The following KIF26B variants were observed in gnomAD, a reference collection of about 807,000 sequenced individuals.
KIF26B encodes kinesin family member 26B, also known as kinesin-like protein KIF26B.
In KIF26B, 63 loss-of-function variants were observed where a neutral mutation model predicts 151.2. The observed-to-expected ratio is 0.42, with a 90% CI of 0.34 to 0.51. KIF26B has a LOEUF of 0.51. KIF26B is among the 20% of genes least tolerant of loss of function. The probability of loss-of-function intolerance (pLI) is 0.07; values close to 1 mark genes in which losing one functional copy is unlikely to be tolerated. For missense variants in KIF26B, 2,813 were observed against 2,913.6 expected (o/e 0.97, Z 0.79); for synonymous variants, 1,357 against 1,262.1 (o/e 1.08, Z -1.59).
chr1:245,158,786 G>GTGGGGCCTCAATTT (rs1360331067), intron 2 of KIF26B, among the ~76,000 whole-genome samples: 5 of 152,176 alleles, frequency 3.3e-5, no homozygotes, highest in African/African-American at 1.2e-4. Flanking sequence ...GTAATGAGAT[G>GTGGGGCCTCAATTT]TGGGGCCTCA....
chr1:245,330,655 G>A (rs1233885997), intron 2 of KIF26B, among the ~76,000 whole-genome samples: 3 of 22,232 alleles, frequency 1.3e-4, no homozygotes, highest in African/African-American at 6.8e-4. Flanking sequence ...AGGGAGTAGG[G>A]GGGTAATAGG....
intron 2 of KIF26B, among the ~76,000 whole-genome samples, chr1:245,185,451 G>A (rs1374301390): frequency 6.6e-6 from 1 of 152,188 alleles, no homozygotes; most frequent in Non-Finnish European, 1.5e-5. Context: ...AGGGGGGTCT[G>A]GATAAAATCG....
Position 245,597,203 on chromosome 1 carries a change from G to A in KIF26B, c.1351-5374G>A, listed in dbSNP as rs938633394. 1.3e-5 allele frequency among the ~76,000 whole-genome samples: 2 copies of A among 152,148 alleles called. No individual in the cohort carries two copies. The highest frequency in any genetic ancestry group is 2.9e-5 in the Non-Finnish European group (2 of 68,042). On this transcript the variant is annotated intron_variant, in intron 5 of 14. Transcript: ENST00000407071. This position sits in a 1 kb window ranked among gnomAD's most constrained non-coding sequence, Gnocchi z 4.6. Reference sequence around the variant, plus strand: ...TAGCTGGTTATTTTTCCCATTAGTCGATGCAGTTTTTTCATAGCATGAATG... The same window carrying A: ...TAGCTGGTTATTTTTCCCATTAGTCAATGCAGTTTTTTCATAGCATGAATG...
Position 245,667,621 on chromosome 1 carries a change from C to T in KIF26B, c.2259-16612C>T, listed in dbSNP as rs1021149946. 1.1e-4 allele frequency among the ~76,000 whole-genome samples: 17 copies of T among 152,090 alleles called. No individual in the cohort carries two copies. Among genetic ancestry groups the T allele is most frequent in the African/African-American group, 3.6e-4 (15 of 41,400 alleles). On this transcript the variant is annotated intron_variant, in intron 10 of 14. Transcript: ENST00000407071. This position sits in a 1 kb window ranked among gnomAD's most constrained non-coding sequence, Gnocchi z 4.3. Reference sequence around the variant, plus strand: ...ACTTATTTAAATACTTATAGAAAGACGACTTTATGCCGGACACTGTGTTAG... The same window carrying T: ...ACTTATTTAAATACTTATAGAAAGATGACTTTATGCCGGACACTGTGTTAG...
rs576441240 is a variant in KIF26B at position 245,303,261 on chromosome 1, C to G, written c.466-63573C>G. Among the ~76,000 whole-genome samples the G allele has an allele frequency of 7.6e-5, 11 of 144,092 alleles. No individual in the cohort carries two copies. The South Asian group carries it at 8.8e-4, about 12-fold the overall frequency. 94.5% of individuals were successfully genotyped at this position (144,092 alleles called of 152,430 possible). On this transcript the variant is annotated intron_variant, in intron 2 of 14. Transcript: ENST00000407071. ...TCGCCCAGGCCGGAGTGCAGTGGCGCGATCTCGGCTCACTGCAAGCTCCGC... is the reference window on the plus strand; with the variant it reads ...TCGCCCAGGCCGGAGTGCAGTGGCGGGATCTCGGCTCACTGCAAGCTCCGC...
Position 245,395,945 on chromosome 1 carries a change from A to T in KIF26B, c.1000-23634A>T, listed in dbSNP as rs78065403. Among the ~76,000 whole-genome samples the T allele has an allele frequency of 3.9e-3, 601 of 152,214 alleles. 4 individuals are homozygous for T. The highest frequency in any genetic ancestry group is 0.014 in the African/African-American group (563 of 41,538). Reference sequence around the variant, plus strand: ...TCTTAATCTGTAGAACAGGGGGGGAAATTTCTTCCTAGCGATGGTGTTGTA... The same window carrying T: ...TCTTAATCTGTAGAACAGGGGGGGATATTTCTTCCTAGCGATGGTGTTGTA... On this transcript the variant is annotated intron_variant, in intron 3 of 14. Coordinates refer to ENST00000407071, the MANE Select transcript of KIF26B (RefSeq NM_018012.4).
chr1:245,409,256 G>A (rs1572047838), intron 3 of KIF26B, among the ~76,000 whole-genome samples: 2 of 152,222 alleles, frequency 1.3e-5, no homozygotes, highest in East Asian at 3.9e-4. Flanking sequence ...AGCCACACAT[G>A]TTGGAACTAA....
chr1:245,215,407 C>A (rs566370406), intron 2 of KIF26B, among the ~76,000 whole-genome samples: 2 of 152,050 alleles, frequency 1.3e-5, no homozygotes, highest in African/African-American at 4.8e-5. Flanking sequence ...CTGCCTGATG[C>A]GTGAACAGGC....
chr1:245,330,956 C>T (rs1425777689), intron 2 of KIF26B, among the ~76,000 whole-genome samples: 1 of 151,882 alleles, frequency 6.6e-6, no homozygotes, highest in Non-Finnish European at 1.5e-5. Flanking sequence ...AGAGAGCCCA[C>T]GTAGTAAGTA....
chr1:245,156,913 G>A (rs1194182911), intron 2 of KIF26B, among the ~76,000 whole-genome samples: 1 of 152,216 alleles, frequency 6.6e-6, no homozygotes, highest in East Asian at 1.9e-4. Flanking sequence ...GAGCGCGAAG[G>A]GGCGCCCGTG....
intron 4 of KIF26B, among the ~76,000 whole-genome samples, chr1:245,489,960 G>A (rs1660367893): frequency 6.6e-6 from 1 of 152,162 alleles, no homozygotes; most frequent in Non-Finnish European, 1.5e-5. Context: ...GTTCTGGGCA[G>A]GTAAGGAACA....
In KIF26B at chr1:245,602,153, G is replaced by A. The variant is rs2043403802; in HGVS notation, c.1351-424G>A. Among the ~76,000 whole-genome samples the A allele has an allele frequency of 6.6e-6, 1 of 152,150 alleles. No homozygotes were observed. The highest frequency in any genetic ancestry group is 2.4e-5 in the African/African-American group (1 of 41,410). ...TTGTCTCCCAGAGTCCTGATGAGCT[G>A]AGCCAAGGAGTAAATTACGGAGCTA... On this transcript the variant is annotated intron_variant, in intron 5 of 14. Coordinates refer to ENST00000407071, the MANE Select transcript of KIF26B (RefSeq NM_018012.4). The surrounding 1 kb of genome is among the most constrained non-coding windows in gnomAD (Gnocchi z 4.5).
intron 2 of KIF26B, among the ~76,000 whole-genome samples, chr1:245,247,334 TA>T (rs1670353839): frequency 6.6e-6 from 1 of 150,710 alleles, no homozygotes; most frequent in African/African-American, 2.4e-5. Context: ...GGTGCTCACC[TA>T]TAATCCCAGC....
At chr1:245,425,902 C>A (rs758875901) in intron 4 of KIF26B, among the ~76,000 whole-genome samples, 6 of 152,214 alleles carry the variant, frequency 3.9e-5, no homozygotes, top group Non-Finnish European at 8.8e-5. Context: ...GACATCACTT[C>A]TAAATTGTCA....
intron 4 of KIF26B, among the ~76,000 whole-genome samples, chr1:245,539,006 GA>G (rs908119582): frequency 1.4e-4 from 21 of 150,734 alleles, no homozygotes; most frequent in South Asian, 2.1e-4. Context: ...GCAATGAGAT[GA>G]AAAAAAAAGT....
chr1:245,172,585 A>G (rs1246873059), intron 2 of KIF26B, among the ~76,000 whole-genome samples: 3 of 152,156 alleles, frequency 2.0e-5, no homozygotes, highest in African/African-American at 7.2e-5. Context: ...CGAGGCGGGC[A>G]GATCACCTGA....
intron 5 of KIF26B, among the ~76,000 whole-genome samples, chr1:245,593,927 G>C (rs1338740791): frequency 6.6e-6 from 1 of 152,200 alleles, no homozygotes; most frequent in African/African-American, 2.4e-5. Flanking sequence ...GACCAGTGAT[G>C]ATGAGCTTTT....
intron 12 of KIF26B, among the ~76,000 whole-genome samples, chr1:245,695,815 TTTTTA>T (rs1558278292): frequency 8.5e-5 from 7 of 82,534 alleles, no homozygotes; most frequent in South Asian, 3.1e-4. Flanking sequence ...TCTCCAGGTG[TTTTTA>T]CCTTCTCTAC....
intron 12 of KIF26B, among the ~76,000 whole-genome samples, 155 bp downstream of exon 12, chr1:245,688,962 G>T (rs1461212662): frequency 6.6e-6 from 1 of 151,916 alleles, no homozygotes; most frequent in Admixed American, 6.5e-5. Flanking sequence ...CACTGCCAGG[G>T]TGTCCCGTGC....
Sources: gnomAD v4.1 joint callset for allele counts (sites outside exome capture counted in the v4.1 genomes callset) on GRCh38, gnomAD v4.1.1 for gene constraint, Gnocchi (gnomAD v3.1) non-coding constraint, MANE v1.5 for transcripts, NCBI Gene and HGNC (gene_info 2026-07-23, HGNC 2026-07-21) for gene names.